Variants in PPARGC1A observed in about 807,000 individuals in gnomAD.
The protein encoded by PPARGC1A is PPARG coactivator 1 alpha.
PPARGC1A carries 25 observed loss-of-function variants against 88.7 expected under a neutral mutation model. That is an observed-to-expected ratio of 0.28 (90% CI 0.21 to 0.39). PPARGC1A has a LOEUF of 0.39. Among genes scored for constraint, PPARGC1A ranks in the 10% least tolerant of loss-of-function variants. The pLI, the probability that PPARGC1A is intolerant of heterozygous loss-of-function variation, is 1.00. For missense variants in PPARGC1A, 880 were observed against 968.7 expected (o/e 0.91, Z 1.22); for synonymous variants, 363 against 355.6 (o/e 1.02, Z -0.24).
At chr4:23,940,682 T>C in the PPARGC1A span, among the ~76,000 whole-genome samples, 2 of 152,160 alleles carry the variant, frequency 1.3e-5, no homozygotes, top group African/African-American at 4.8e-5. Flanking sequence ...AACGAAAAAT[T>C]CAATTACTCC....
the PPARGC1A span, among the ~76,000 whole-genome samples, chr4:24,323,819 C>T: frequency 3.8e-3 from 586 of 152,246 alleles, 7 homozygotes; most frequent in African/African-American, 0.013. Context: ...ACCTCAGGTC[C>T]TCAGACCGAC....
chr4:24,387,814 A>G, the PPARGC1A span, among the ~76,000 whole-genome samples: 121 of 107,956 alleles, frequency 1.1e-3, 3 homozygotes, highest in Admixed American at 8.7e-3. Context: ...GAAAGAAAGA[A>G]AGAAAGAAAG....
At chr4:24,257,722 T>C in the PPARGC1A span, among the ~76,000 whole-genome samples, 1 of 152,176 alleles carries the variant, frequency 6.6e-6, no homozygotes, top group Non-Finnish European at 1.5e-5. Flanking sequence ...GCAAACTGTC[T>C]AATCAACTTT....
chr4:24,199,491 A>G, the PPARGC1A span, among the ~76,000 whole-genome samples: 1 of 152,194 alleles, frequency 6.6e-6, no homozygotes, highest in South Asian at 2.1e-4. Flanking sequence ...GCCACAGAGG[A>G]CATTTTAATT....
the PPARGC1A span, among the ~76,000 whole-genome samples, chr4:24,276,033 T>C: frequency 6.6e-6 from 1 of 152,178 alleles, no homozygotes; most frequent in Non-Finnish European, 1.5e-5. Flanking sequence ...ATAAAAACAC[T>C]ACAAAGTGAT....
the PPARGC1A span, among the ~76,000 whole-genome samples, chr4:24,040,602 T>A: frequency 6.6e-6 from 1 of 152,156 alleles, no homozygotes; most frequent in African/African-American, 2.4e-5. Context: ...ACTAATAAAC[T>A]TAAAAAGCAG....
At chr4:24,243,716 G>C in the PPARGC1A span, among the ~76,000 whole-genome samples, 1 of 152,192 alleles carries the variant, frequency 6.6e-6, no homozygotes, top group Non-Finnish European at 1.5e-5. Context: ...TTAACCAGCT[G>C]TCTGATGGCT....
At chr4:24,066,636 G>A in the PPARGC1A span, among the ~76,000 whole-genome samples, 169 of 152,166 alleles carry the variant, frequency 1.1e-3, no homozygotes, top group African/African-American at 3.9e-3. Context: ...CCCAGGCTCC[G>A]ATAGGGGAAA....
At chr4:24,146,867 T>C in the PPARGC1A span, among the ~76,000 whole-genome samples, 1 of 152,198 alleles carries the variant, frequency 6.6e-6, no homozygotes, top group Non-Finnish European at 1.5e-5. Context: ...GTTATTCTTT[T>C]CCACATCACT....
the PPARGC1A span, among the ~76,000 whole-genome samples, chr4:24,014,153 T>C: frequency 6.6e-6 from 1 of 152,086 alleles, no homozygotes; most frequent in Non-Finnish European, 1.5e-5. Flanking sequence ...AGAGAACTTC[T>C]CCCTGTTGCA....
the PPARGC1A span, among the ~76,000 whole-genome samples, chr4:24,460,766 C>G: frequency 1.3e-5 from 2 of 152,166 alleles, no homozygotes; most frequent in African/African-American, 4.8e-5. Flanking sequence ...CTGGGCCTCA[C>G]AGTGTGTCCT....
chr4:24,109,143 T>C, the PPARGC1A span, among the ~76,000 whole-genome samples: 62 of 151,916 alleles, frequency 4.1e-4, 1 homozygote, highest in Admixed American at 1.5e-3. Flanking sequence ...TGATTTTCAT[T>C]TGGAAAATTG....
the PPARGC1A span, among the ~76,000 whole-genome samples, chr4:23,930,200 T>C: frequency 5.3e-5 from 8 of 152,238 alleles, no homozygotes; most frequent in African/African-American, 1.9e-4. Flanking sequence ...TTTATATTAC[T>C]ACCCATGGCT....
chr4:23,810,136 G>A (rs1273878725), intron 10 of PPARGC1A, among the ~76,000 whole-genome samples: 1 of 152,096 alleles, frequency 6.6e-6, no homozygotes, highest in Non-Finnish European at 1.5e-5. Context: ...TTGTCCAAGT[G>A]GAAATTGGTT....
intron 1 of PPARGC1A, among the ~76,000 whole-genome samples, chr4:23,896,603 A>C (rs1352106221): frequency 6.6e-6 from 1 of 152,156 alleles, no homozygotes; most frequent in Non-Finnish European, 1.5e-5. Flanking sequence ...AGGTAGACCC[A>C]AAACCACTAA....
At chr4:24,210,301 T>C in the PPARGC1A span, among the ~76,000 whole-genome samples, 25 of 152,342 alleles carry the variant, frequency 1.6e-4, no homozygotes, top group African/African-American at 5.3e-4. Flanking sequence ...TTTTCTTAAA[T>C]AGAGATCATA....
the PPARGC1A span, among the ~76,000 whole-genome samples, chr4:24,053,046 AT>A: frequency 1.4e-5 from 2 of 142,754 alleles, no homozygotes; most frequent in East Asian, 2.1e-4. Context: ...TTTTTTTTGT[AT>A]TTTTTAGTAG....
At chr4:24,190,463 C>T in the PPARGC1A span, among the ~76,000 whole-genome samples, 5 of 152,000 alleles carry the variant, frequency 3.3e-5, no homozygotes, top group Admixed American at 1.3e-4. Context: ...TGCAGTGAGC[C>T]GAGATCGCAC....
At chr4:24,166,036 A>G in the PPARGC1A span, among the ~76,000 whole-genome samples, 3 of 152,210 alleles carry the variant, frequency 2.0e-5, no homozygotes, top group African/African-American at 7.2e-5. Flanking sequence ...ATGCAGAGGA[A>G]AAGTTGTTGG....
Sources: allele counts gnomAD v4.1 joint callset (sites outside exome capture counted in the v4.1 genomes callset), GRCh38; gene constraint gnomAD v4.1.1; transcripts MANE v1.5; gene names NCBI Gene and HGNC (gene_info 2026-07-23, HGNC 2026-07-21).